HSF2BP: variants seen among roughly 807,000 people sequenced by gnomAD.
HSF2BP encodes heat shock transcription factor 2 binding protein.
In HSF2BP, 35 loss-of-function variants were observed where a neutral mutation model predicts 35.0. The observed-to-expected ratio is 1.00, with a 90% CI of 0.76 to 1.32. The LOEUF (loss-of-function observed/expected upper bound fraction) is 1.32. HSF2BP is among the 40% of genes most tolerant of loss of function. The pLI, the probability that HSF2BP is intolerant of heterozygous loss-of-function variation, is 0.00. For synonymous variants in HSF2BP, 114 were observed against 117.4 expected, an observed-to-expected ratio of 0.97 and a Z score of 0.18; for missense variants, 326 against 321.7, an observed-to-expected ratio of 1.01 and a Z score of -0.10.
chr21:43,592,243 G>A lies in HSF2BP; in HGVS notation c.778C>T (p.Leu260=). Residue 260 remains leucine (L), a synonymous_variant, in exon 8 of 9, where the codon CTG becomes TTG. Transcript: ENST00000291560. Reference sequence around the variant, plus strand: ...CCCTTACCACTCAAAAGCCACCACAGCAAAGGGATGAATCCTGGACTCTCG... The same window carrying A: ...CCCTTACCACTCAAAAGCCACCACAACAAAGGGATGAATCCTGGACTCTCG... ...ISESPGFIPL[L]WWLLSDPDAE... The A allele has an allele frequency of 6.2e-7, 1 of 1,613,220 alleles. No homozygotes were observed. Among genetic ancestry groups the A allele is most frequent in the Non-Finnish European group, 8.5e-7 (1 of 1,179,236 alleles).
At chr21:43,589,313 C>T (rs1182911647) in intron 8 of HSF2BP, among the ~76,000 whole-genome samples, 3 of 152,192 alleles carry the variant, frequency 2.0e-5, no homozygotes, top group Admixed American at 2.0e-4. Flanking sequence ...AGTTCCTCTG[C>T]TCTTAACACA....
chr21:43,599,611 T>C (rs1031128530), intron 7 of HSF2BP, among the ~76,000 whole-genome samples: 37 of 151,926 alleles, frequency 2.4e-4, no homozygotes, highest in African/African-American at 8.9e-4. Flanking sequence ...CTGGCCAACA[T>C]GGTGAAACCT....
intron 7 of HSF2BP, among the ~76,000 whole-genome samples, chr21:43,607,596 TC>T (rs760588282): frequency 4.6e-5 from 7 of 152,232 alleles, no homozygotes; most frequent in Non-Finnish European, 1.0e-4. Flanking sequence ...AACAAACTCT[TC>T]TAAAATTCTT....
Position 43,592,218 on chromosome 21 carries a change from C to A in HSF2BP, c.796+7G>T, listed in dbSNP as rs774146888. 1.3e-6 allele frequency: 2 copies of A among 1,594,592 alleles called. No individual in the cohort carries two copies. Among genetic ancestry groups the A allele is most frequent in the Middle Eastern group, 1.7e-4 (1 of 6,028 alleles). On this transcript the variant is annotated splice_region_variant and intron_variant, in intron 8 of 8. Transcript: ENST00000291560. ...CAAGCAGCTGGACAGATAACCACCC[C>A]CCTTACCACTCAAAAGCCACCACAG...
chr21:43,618,550 A>G (rs1004267800), intron 6 of HSF2BP, among the ~76,000 whole-genome samples: 14 of 152,170 alleles, frequency 9.2e-5, no homozygotes, highest in African/African-American at 3.4e-4. Context: ...GTGCTAAAAC[A>G]ACTGGATATC....
At chr21:43,644,103 G>A (rs184712958) in intron 4 of HSF2BP, among the ~76,000 whole-genome samples, 186 bp downstream of exon 4, 64 of 152,316 alleles carry the variant, frequency 4.2e-4, no homozygotes, top group African/African-American at 1.4e-3. Flanking sequence ...AATGATCTAC[G>A]TGTTAAATGG....
chr21:43,644,004 T>A (rs1281845367), intron 4 of HSF2BP, among the ~76,000 whole-genome samples: 5 of 152,074 alleles, frequency 3.3e-5, no homozygotes, highest in Non-Finnish European at 5.9e-5. Flanking sequence ...AGATATTTTG[T>A]TATAGCAACA....
At chr21:43,626,615 T>C (rs2082392688) in intron 6 of HSF2BP, among the ~76,000 whole-genome samples, 1 of 152,226 alleles carries the variant, frequency 6.6e-6, no homozygotes, top group South Asian at 2.1e-4. Context: ...CTAATCCTGC[T>C]GGAACTTCTC....
chr21:43,633,971 TGCCAAAGGTGCCA>T (rs2082518769), intron 4 of HSF2BP, among the ~76,000 whole-genome samples: 1 of 152,190 alleles, frequency 6.6e-6, no homozygotes, highest in Non-Finnish European at 1.5e-5. Context: ...ATGAGAATAT[TGCCAAAGGTGCCA>T]GTAAATATAA....
Position 43,658,076 on chromosome 21 carries a change from A to G in HSF2BP, c.21T>C (p.Ala7=), listed in dbSNP as rs2082904246. The change falls in exon 2 of 9, where the codon GCT becomes GCC. Residue 7 remains alanine, a synonymous_variant. Transcript: ENST00000291560. MGEAGA[A]EEACRHMGTK... is the part of the protein sequence containing the mutation. ...CCTCACTAACCCGGCAGGCCTCCTC[A>G]GCGGCGCCCGCTTCGCCCATGGCCG... 6.5e-7 allele frequency: 1 copy of G among 1,535,492 alleles called. No individual in the cohort carries two copies. Among genetic ancestry groups the G allele is most frequent in the African/African-American group, 1.4e-5 (1 of 73,072 alleles).
At chr21:43,467,852 CCACACACCACACACACACCAAACACACCA>C in the HSF2BP span, among the ~76,000 whole-genome samples, 444 of 102,592 alleles carry the variant, frequency 4.3e-3, 7 homozygotes, top group Non-Finnish European at 6.7e-3. Context: ...CACATACACA[CCACACACCACACACACACCAAACACACCA>C]CACACACCAC....
intron 8 of HSF2BP, among the ~76,000 whole-genome samples, chr21:43,588,551 TACTC>T (rs2081887066): frequency 1.3e-5 from 2 of 152,240 alleles, no homozygotes; most frequent in African/African-American, 4.8e-5. Context: ...CTTGGCACCT[TACTC>T]ACTTCCATGC....
At position 43,592,249 on chromosome 21, in the gene HSF2BP, G is replaced by T; in HGVS notation, c.772C>A (p.Pro258Thr). The change falls in exon 8 of 9, where the codon CCT becomes ACT. Residue 258 changes from proline (P) to threonine (T), a missense_variant. Transcript: ENST00000291560. ...KYISESPGFIPLLWWLLSDPD... is the reference protein window; with the variant it reads ...KYISESPGFITLLWWLLSDPD... ...CCACTCAAAAGCCACCACAGCAAAG[G>T]GATGAATCCTGGACTCTCGCTGATG... is the stretch of plus-strand genomic sequence containing the variant. 1.2e-6 allele frequency: 2 copies of T among 1,613,508 alleles called. No individual in the cohort carries two copies. The highest frequency in any genetic ancestry group is 1.7e-6 in the Non-Finnish European group (2 of 1,179,560).
chr21:43,599,351 C>A (rs2082024376), intron 7 of HSF2BP, among the ~76,000 whole-genome samples: 1 of 152,162 alleles, frequency 6.6e-6, no homozygotes, highest in Non-Finnish European at 1.5e-5. Flanking sequence ...AAAAAATAAA[C>A]CCAAAAAACT....
chr21:43,593,883 A>C (rs557846358), intron 7 of HSF2BP, among the ~76,000 whole-genome samples: 90 of 152,296 alleles, frequency 5.9e-4, no homozygotes, highest in African/African-American at 2.1e-3. Context: ...GAAGGAAAAA[A>C]ATGTTTCAAA....
intron 8 of HSF2BP, among the ~76,000 whole-genome samples, chr21:43,588,756 C>T (rs763906645): frequency 6.6e-6 from 1 of 152,206 alleles, no homozygotes; most frequent in Admixed American, 6.5e-5. Context: ...CGCTTGCTCA[C>T]GGCCCGTAAC....
At chr21:43,656,881 A>G in intron 2 of HSF2BP, 144 bp from the exon 3 acceptor site, 1 of 653,894 alleles carries the variant, frequency 1.5e-6, no homozygotes, top group South Asian at 2.1e-5. Flanking sequence ...TCTGCTATAG[A>G]TATATTTTAT....
At chr21:43,640,822 A>G (rs892067674) in intron 4 of HSF2BP, among the ~76,000 whole-genome samples, 1 of 152,128 alleles carries the variant, frequency 6.6e-6, no homozygotes, top group African/African-American at 2.4e-5. Flanking sequence ...AGCTGTATAA[A>G]TTTACTAAAA....
At position 43,582,341 on chromosome 21, in the gene HSF2BP, CCGGCTGAGGGAGATGAAGA is replaced by C. The variant is rs1452695954; in HGVS notation, c.796+9865_796+9883del. 5.0e-4 allele frequency among the ~76,000 whole-genome samples: 61 copies of C among 121,698 alleles called. 6 individuals carry two copies. Among genetic ancestry groups the C allele is most frequent in the African/African-American group, 2.0e-3 (54 of 27,546 alleles). 79.8% of individuals were successfully genotyped at this position (121,698 alleles called of 152,430 possible). A position where few individuals can be genotyped will look rare whatever the true frequency, so the allele number is the denominator to read the frequency against. ...AAGGGCCTGTTGCGGGAGATGAGGG[CCGGCTGAGGGAGATGAAGA>C]CCTGCTGTGGGGGATGAGGGCCTGG... On this transcript the variant is annotated intron_variant, in intron 8 of 8. Transcript: ENST00000291560.
Sources: allele counts gnomAD v4.1 joint callset (sites outside exome capture counted in the v4.1 genomes callset), GRCh38; gene constraint gnomAD v4.1.1; transcripts MANE v1.5; gene names NCBI Gene and HGNC (gene_info 2026-07-23, HGNC 2026-07-21).